The following MGST2 variants were observed in gnomAD, a reference collection of about 807,000 sequenced individuals.
MGST2 encodes microsomal glutathione S-transferase 2, also known as glutathione peroxidase MGST2.
A neutral mutation model predicts 16.6 loss-of-function variants in MGST2; 9 were observed. That is an observed-to-expected ratio of 0.54 (90% CI 0.33 to 0.95). MGST2 has a LOEUF of 0.95. Among genes scored for constraint, MGST2 ranks in the 40% least tolerant of loss-of-function variants. The pLI is 0.03. For missense variants in MGST2, 159 were observed against 175.1 expected (o/e 0.91, Z 0.52); for synonymous variants, 79 against 68.0 (o/e 1.16, Z -0.79).
intron 3 of MGST2, among the ~76,000 whole-genome samples, chr4:139,699,958 A>G (rs1034277110): frequency 6.6e-6 from 1 of 152,038 alleles, no homozygotes; most frequent in African/African-American, 2.4e-5. Flanking sequence ...CTCAAGCCCA[A>G]GAGTTTCAGG....
At chr4:139,666,101 TGTGTGCGCGTGTGTGC>T (rs749864769) in intron 1 of MGST2, 24 bp downstream of exon 1, 6 of 1,531,156 alleles carry the variant, frequency 3.9e-6, no homozygotes, top group Admixed American at 1.8e-5. Context: ...GAAGTTCGTG[TGTGTGCGCGTGTGTGC>T]GTGTGTGTGT....
At chr4:139,704,777 C>T (rs1256973627), downstream of MGST2, among the ~76,000 whole-genome samples, 3 of 152,036 alleles carry the variant, frequency 2.0e-5, no homozygotes, top group Non-Finnish European at 1.5e-5. Context: ...AAAAAATTAG[C>T]CGGGCATGGT....
intron 3 of MGST2, among the ~76,000 whole-genome samples, chr4:139,696,397 G>C (rs1381342520): frequency 6.6e-6 from 1 of 152,130 alleles, no homozygotes; most frequent in Non-Finnish European, 1.5e-5. Context: ...TGTCATAAAA[G>C]AAGTAAAAAA....
intron 2 of MGST2, among the ~76,000 whole-genome samples, chr4:139,681,792 A>G (rs1421746260): frequency 1.3e-5 from 2 of 152,178 alleles, no homozygotes; most frequent in Non-Finnish European, 2.9e-5. Flanking sequence ...GGGCATTGTT[A>G]TAATAGCTTG....
intron 2 of MGST2, among the ~76,000 whole-genome samples, chr4:139,691,087 G>A (rs1451603995): frequency 2.0e-5 from 3 of 152,336 alleles, no homozygotes; most frequent in Non-Finnish European, 2.9e-5. Context: ...TATCAAAGGA[G>A]CAGGGGATTG....
intron 5 of MGST2, among the ~76,000 whole-genome samples, chr4:139,723,817 C>G (rs1265966478): frequency 1.3e-5 from 2 of 152,198 alleles, no homozygotes; most frequent in Non-Finnish European, 2.9e-5. Context: ...CAGCAGCTCT[C>G]AAGCGTGGTT....
At chr4:139,730,121 G>A (rs912776014) in intron 5 of MGST2, among the ~76,000 whole-genome samples, 7 of 152,196 alleles carry the variant, frequency 4.6e-5, no homozygotes, top group African/African-American at 1.7e-4. Flanking sequence ...ACAGACCCCT[G>A]TACCAGAAAT....
At chr4:139,703,595 C>T (rs1435320853) in intron 4 of MGST2, 59 bp downstream of exon 4, 2 of 1,477,058 alleles carry the variant, frequency 1.4e-6, no homozygotes, top group African/African-American at 2.8e-5. Context: ...AGGTCTGGGT[C>T]AGTTTCCTTC....
At chr4:139,744,262 C>T (rs1424888984), downstream of MGST2, among the ~76,000 whole-genome samples, 4 of 152,212 alleles carry the variant, frequency 2.6e-5, no homozygotes, top group East Asian at 7.7e-4. Flanking sequence ...CCCTTCCCTT[C>T]AAGCTGTGCA....
chr4:139,735,786 C>T lies in MGST2; in HGVS notation c.*49-4426C>T, dbSNP rs898515807. On this transcript the variant is annotated intron_variant, in intron 5 of 5. Transcript: ENST00000616265. The surrounding 1 kb of genome is among the most constrained non-coding windows in gnomAD (Gnocchi z 5.8). ...TGGGGCCCGTGCGTCCCCGGCAGGA[C>T]CTAGACTGCCTCTCGGCGCAGGCGG... Among the ~76,000 whole-genome samples, 2 of 152,130 alleles carry T rather than the reference C, an allele frequency of 1.3e-5. No homozygotes were observed. The highest frequency in any genetic ancestry group is 2.9e-5 in the Non-Finnish European group (2 of 68,008).
At chr4:139,754,252 C>CATTATTCTTTAAATAATTCTTTAA in the MGST2 span, among the ~76,000 whole-genome samples, 1 of 152,196 alleles carries the variant, frequency 6.6e-6, no homozygotes, top group Non-Finnish European at 1.5e-5. Flanking sequence ...ATTTTAATCA[C>CATTATTCTTTAAATAATTCTTTAA]ATGTTTATGT....
At chr4:139,695,064 A>G (rs918917780) in intron 2 of MGST2, 133 bp from the exon 3 acceptor site, 2 of 664,536 alleles carry the variant, frequency 3.0e-6, no homozygotes, top group African/African-American at 3.6e-5. Flanking sequence ...TTAAATGTAA[A>G]GGTCATTTAA....
At chr4:139,733,490 G>A (rs1275904719) in intron 5 of MGST2, among the ~76,000 whole-genome samples, 5 of 147,242 alleles carry the variant, frequency 3.4e-5, no homozygotes, top group African/African-American at 1.0e-4. Context: ...GGGTGACGAC[G>A]ATACATCAAA....
At chr4:139,690,697 T>C (rs1726526877) in intron 2 of MGST2, among the ~76,000 whole-genome samples, 1 of 152,156 alleles carries the variant, frequency 6.6e-6, no homozygotes, top group Admixed American at 6.5e-5. Flanking sequence ...TGGAGACTAG[T>C]GTTGAAGGAA....
chr4:139,682,910 T>A lies in MGST2; in HGVS notation c.158+4268T>A, dbSNP rs538976298. Reference sequence around the variant, plus strand: ...AGAAACTCAACAAAGCGGGAGGGGGTCCTACTCACAGGCCCCTGCCTCGCA... The same window carrying A: ...AGAAACTCAACAAAGCGGGAGGGGGACCTACTCACAGGCCCCTGCCTCGCA... On this transcript the variant is annotated intron_variant, in intron 2 of 4. Coordinates refer to ENST00000265498, the MANE Select transcript of MGST2 (RefSeq NM_002413.5). 1.5e-4 allele frequency among the ~76,000 whole-genome samples: 22 copies of A among 146,052 alleles called. 1 individual carries two copies. The highest frequency in any genetic ancestry group is 1.5e-3 in the Admixed American group (22 of 14,678).
intron 5 of MGST2, chr4:139,719,122 G>A (rs1033324797): frequency 1.2e-5 from 7 of 587,852 alleles, no homozygotes; most frequent in Middle Eastern, 4.5e-4. Flanking sequence ...GTCTCATCTC[G>A]ATTGCTGTGT....
At chr4:139,707,504 A>G (rs1727566416), downstream of MGST2, among the ~76,000 whole-genome samples, 3 of 152,322 alleles carry the variant, frequency 2.0e-5, no homozygotes, top group South Asian at 6.2e-4. Flanking sequence ...TAATGCCGCA[A>G]TAAACATACG....
chr4:139,706,924 T>C (rs1479411456), downstream of MGST2, among the ~76,000 whole-genome samples: 3 of 152,246 alleles, frequency 2.0e-5, no homozygotes, highest in East Asian at 5.8e-4. Flanking sequence ...ACATTTTTTG[T>C]ATATTACTAA....
chr4:139,739,924 C>G (rs2111019716), intron 5 of MGST2, among the ~76,000 whole-genome samples: 1 of 152,146 alleles, frequency 6.6e-6, no homozygotes, highest in African/African-American at 2.4e-5. Context: ...AAGAGGGGCC[C>G]AGGTTATGTC....
Sources: gnomAD v4.1 joint callset for allele counts (sites outside exome capture counted in the v4.1 genomes callset) on GRCh38, gnomAD v4.1.1 for gene constraint, Gnocchi (gnomAD v3.1) non-coding constraint, MANE v1.5 for transcripts, NCBI Gene and HGNC (gene_info 2026-07-23, HGNC 2026-07-21) for gene names.